The following NECAP1 variants were observed in gnomAD, a reference collection of about 807,000 sequenced individuals.
NECAP1 encodes the protein NECAP endocytosis associated 1.
NECAP1 carries 13 observed loss-of-function variants against 33.4 expected under a neutral mutation model. That is an observed-to-expected ratio of 0.39 (90% CI 0.25 to 0.62). The LOEUF (loss-of-function observed/expected upper bound fraction) is 0.62. NECAP1 is among the 20% of genes least tolerant of loss of function. NECAP1 has a pLI of 0.52. For synonymous variants in NECAP1, 109 were observed against 125.2 expected, an observed-to-expected ratio of 0.87 and a Z score of 0.86; for missense variants, 272 against 347.4, an observed-to-expected ratio of 0.78 and a Z score of 1.73.
intron 3 of NECAP1, 164 bp from the exon 4 acceptor site, chr12:8,091,605 G>A (rs765632572): frequency 4.5e-5 from 28 of 618,956 alleles, no homozygotes; most frequent in Non-Finnish European, 7.8e-5. Context: ...GGTCATGCAA[G>A]TGACGGGGAG....
chr12:8,095,831 G>T, intron 7 of NECAP1, 128 bp downstream of exon 7: 5 of 1,155,968 alleles, frequency 4.3e-6, no homozygotes, highest in Non-Finnish European at 6.3e-6. Flanking sequence ...AAGAGTTCTA[G>T]TGAAGGAAAT....
At chr12:8,083,641 G>A (rs749621229) in intron 1 of NECAP1, among the ~76,000 whole-genome samples, 2 of 151,356 alleles carry the variant, frequency 1.3e-5, no homozygotes, top group South Asian at 4.2e-4. Context: ...AGTTGGCCAG[G>A]CTGGTCTTGA....
intron 3 of NECAP1, chr12:8,090,868 T>C (rs930929688): frequency 6.5e-6 from 1 of 154,974 alleles, no homozygotes; most frequent in Non-Finnish European, 1.4e-5. Flanking sequence ...GGTGGGACTA[T>C]CTTGAATCAT....
intron 6 of NECAP1, chr12:8,093,276 A>G (rs1250076998): frequency 3.9e-6 from 2 of 509,450 alleles, no homozygotes; most frequent in Non-Finnish European, 6.8e-6. Flanking sequence ...TTAAAATGAC[A>G]ATTTCCTTCA....
intron 1 of NECAP1, among the ~76,000 whole-genome samples, chr12:8,088,630 A>G (rs746531988): frequency 6.6e-6 from 1 of 152,296 alleles, no homozygotes; most frequent in Non-Finnish European, 1.5e-5. Context: ...TAATCTTTTT[A>G]GAATATAAGG....
chr12:8,088,270 ACT>A (rs2120470826), intron 1 of NECAP1, among the ~76,000 whole-genome samples: 1 of 152,230 alleles, frequency 6.6e-6, no homozygotes, highest in South Asian at 2.1e-4. Context: ...GACATCTCAA[ACT>A]CAGCATATTT....
In NECAP1 at chr12:8,094,137, G is replaced by A. The variant is rs144598033; in HGVS notation, c.676+1082G>A. Among the ~76,000 whole-genome samples, 435 of 152,234 alleles carry A rather than the reference G, an allele frequency of 2.9e-3. 1 individual carries two copies. The highest frequency in any genetic ancestry group is 0.01 in the African/African-American group (423 of 41,542). ...TACTAAGGGTAAGCTTTCTCTTTCT[G>A]GAATTTTTGAGGTGAAAATATTATA... On this transcript the variant is annotated intron_variant, in intron 6 of 7. Transcript: ENST00000339754.
In NECAP1 at chr12:8,095,652, C is replaced by T; in HGVS notation, c.728C>T (p.Thr243Ile). The change falls in exon 7 of 8, where the codon ACT (threonine) becomes ATT (isoleucine). Residue 243 changes from threonine (T) to isoleucine (I), a missense_variant. Thr to Ile is a moderately conservative substitution (Grantham distance 89, BLOSUM62 -1). Coordinates refer to ENST00000339754, the MANE Select transcript of NECAP1 (RefSeq NM_015509.4). ...GCTCCTGTCACGACACCAGCACCAA[C>T]TCCAGTTTCTGTAAGCAATGACTTG... ...SPAPVTTPAP[T>I]PVSVSNDLWG... 6.2e-7 allele frequency: 1 copy of T among 1,614,088 alleles called. No homozygotes were observed. The highest frequency in any genetic ancestry group is 1.1e-5 in the South Asian group (1 of 91,088).
chr12:8,093,913 T>C (rs1227009202), intron 6 of NECAP1: 3 of 152,236 alleles, frequency 2.0e-5, no homozygotes, highest in African/African-American at 4.8e-5. Context: ...GAAAAGAAGA[T>C]ATCTAGGTTT....
At chr12:8,092,647 A>C in intron 4 of NECAP1, 29 bp from the exon 5 acceptor site, 1 of 1,552,200 alleles carries the variant, frequency 6.4e-7, no homozygotes, top group Non-Finnish European at 8.8e-7. Context: ...GGAAATCTCA[A>C]ACTAAGATAA....
chr12:8,082,463 C>A, intron 1 of NECAP1, 80 bp downstream of exon 1: 1 of 1,284,378 alleles, frequency 7.8e-7, no homozygotes, highest in Non-Finnish European at 1.1e-6. Flanking sequence ...CGCTGTCCGT[C>A]CCTGCCACTA....
intron 4 of NECAP1, 78 bp from the exon 5 acceptor site, chr12:8,092,598 G>C: frequency 9.5e-7 from 1 of 1,052,864 alleles, no homozygotes; most frequent in Non-Finnish European, 1.4e-6. Context: ...TTTCATAAAA[G>C]TAAATACACC....
Position 8,091,941 on chromosome 12 carries a change from T to G in NECAP1, c.383+91T>G, listed in dbSNP as rs888841403. ...GGGCAGTATCTCTTTTCCTCCTGGT[T>G]TCTTTGTTTCTTAAACTATTTCATT... is the stretch of plus-strand genomic sequence containing the variant. On this transcript the variant is annotated intron_variant, in intron 4 of 7. Transcript: ENST00000339754. 26 of 1,104,618 alleles carry G rather than the reference T, an allele frequency of 2.4e-5. No homozygotes were observed. In the South Asian group the frequency reaches 3.3e-4, roughly 14 times the overall value. 68.4% of individuals were successfully genotyped at this position (1,104,618 alleles called of 1,614,324 possible). A position where few individuals can be genotyped will look rare whatever the true frequency, so the allele number is the denominator to read the frequency against.
Position 8,090,266 on chromosome 12 carries a change from C to G in NECAP1, c.268C>G (p.Arg90Gly), listed in dbSNP as rs374365372. Residue 90 changes from arginine (R) to glycine (G), a missense_variant, in exon 3 of 8, where the codon CGC (arginine) becomes GGC (glycine). Coordinates refer to ENST00000339754, the MANE Select transcript of NECAP1 (RefSeq NM_015509.4). ...TGTGGAGACGGTGACAGATTCTAGC[C>G]GCTACTTTGTAATCCGGATCCAGGA... ...IAVETVTDSS[R>G]YFVIRIQDGT... 1.9e-6 allele frequency: 3 copies of G among 1,613,988 alleles called. No individual in the cohort carries two copies. Among genetic ancestry groups the G allele is most frequent in the Non-Finnish European group, 2.5e-6 (3 of 1,180,024 alleles).
chr12:8,084,039 G>T (rs142731620), intron 1 of NECAP1, among the ~76,000 whole-genome samples: 141 of 152,190 alleles, frequency 9.3e-4, no homozygotes, highest in Middle Eastern at 3.4e-3. Context: ...ACTGCACCTG[G>T]CCAAGATACT....
At position 8,096,162 on chromosome 12, in the gene NECAP1, A is replaced by G; in HGVS notation, c.*72A>G. The G allele has an allele frequency of 6.7e-7, 1 of 1,496,904 alleles. No homozygotes were observed. Among genetic ancestry groups the G allele is most frequent in the South Asian group, 1.2e-5 (1 of 86,110 alleles). 92.7% of individuals were successfully genotyped at this position (1,496,904 alleles called of 1,614,324 possible). ...CCTTGAGGGCACCAATCTGTGAGGGAAGTTAGGAACCCATTTCCTCCCCAG... is the reference window on the plus strand; with the variant it reads ...CCTTGAGGGCACCAATCTGTGAGGGGAGTTAGGAACCCATTTCCTCCCCAG... On this transcript the variant is annotated 3_prime_UTR_variant, in exon 8 of 8. Coordinates refer to ENST00000339754, the MANE Select transcript of NECAP1 (RefSeq NM_015509.4).
chr12:8,084,191 T>A (rs1384520276), intron 1 of NECAP1, among the ~76,000 whole-genome samples: 1 of 152,194 alleles, frequency 6.6e-6, no homozygotes, highest in African/African-American at 2.4e-5. Flanking sequence ...GAATCAATAT[T>A]TTTATGCTTG....
chr12:8,082,520 T>C (rs1319819410), intron 1 of NECAP1, 137 bp downstream of exon 1: 2 of 718,912 alleles, frequency 2.8e-6, no homozygotes, highest in East Asian at 2.8e-5. Context: ...TGGGTTGTCA[T>C]CTCCCTGACC....
chr12:8,086,057 C>A (rs774927300), intron 1 of NECAP1, among the ~76,000 whole-genome samples: 2 of 152,104 alleles, frequency 1.3e-5, no homozygotes, highest in African/African-American at 4.8e-5. Flanking sequence ...ATAATAAATG[C>A]TTGATAAATG....
Sources: gnomAD v4.1 joint callset for allele counts (sites outside exome capture counted in the v4.1 genomes callset) on GRCh38, gnomAD v4.1.1 for gene constraint, MANE v1.5 for transcripts, NCBI Gene and HGNC (gene_info 2026-07-23, HGNC 2026-07-21) for gene names.